SAMD3: variants seen among roughly 807,000 people sequenced by gnomAD.
SAMD3 encodes sterile alpha motif domain-containing protein 3.
In SAMD3, 63 loss-of-function variants were observed where a neutral mutation model predicts 58.5. The observed-to-expected ratio is 1.08, with a 90% CI of 0.88 to 1.33. SAMD3 has a LOEUF of 1.33. Ranked by LOEUF, SAMD3 falls within the 40% of genes most tolerant of loss-of-function variation. The pLI, the probability that SAMD3 is intolerant of heterozygous loss-of-function variation, is 0.00. For missense variants in SAMD3, 604 were observed against 608.4 expected, an observed-to-expected ratio of 0.99 and a Z score of 0.08; for synonymous variants, 220 against 210.3, an observed-to-expected ratio of 1.05 and a Z score of -0.40.
intron 1 of SAMD3, among the ~76,000 whole-genome samples, chr6:130,314,208 C>G (rs1005473881): frequency 7.2e-5 from 11 of 152,120 alleles, no homozygotes; most frequent in African/African-American, 2.4e-4. Context: ...AAAAAACACT[C>G]TTTTCATGTT....
At chr6:130,232,091 C>T (rs970043855) in intron 2 of SAMD3, among the ~76,000 whole-genome samples, 5 of 152,056 alleles carry the variant, frequency 3.3e-5, no homozygotes, top group Admixed American at 6.5e-5. Context: ...GTTCCTGGAT[C>T]GATAGTGACC....
In SAMD3 at chr6:130,214,379, G is replaced by C; in HGVS notation, c.227C>G (p.Pro76Arg). The C allele has an allele frequency of 6.2e-7, 1 of 1,608,676 alleles. No homozygotes were observed. Among genetic ancestry groups the C allele is most frequent in the Non-Finnish European group, 8.5e-7 (1 of 1,177,548 alleles). ...NTQGLKSPENPKKAALVMQTE... is the reference protein window; with the variant it reads ...NTQGLKSPENRKKAALVMQTE... ...TTGCATGACCAGGGCTGCCTTTTTG[G>C]GGTTTTCTGGGGACTTCAGTCCTTG... Residue 76 changes from proline to arginine, a missense_variant, in exon 4 of 12, where the codon CCC becomes CGC. Coordinates refer to ENST00000439090, the MANE Select transcript of SAMD3 (RefSeq NM_001017373.4).
chr6:130,275,832 G>A (rs899657033), intron 2 of SAMD3, among the ~76,000 whole-genome samples: 2 of 151,718 alleles, frequency 1.3e-5, no homozygotes, highest in African/African-American at 2.4e-5. Flanking sequence ...ATTTTAAAAC[G>A]TTTTCTCCCC....
chr6:130,206,166 TG>T (rs1447850219), intron 5 of SAMD3, among the ~76,000 whole-genome samples: 1 of 152,298 alleles, frequency 6.6e-6, no homozygotes, highest in Admixed American at 6.5e-5. Context: ...CACAAGTGAT[TG>T]CCCAGGAGGG....
At chr6:130,300,391 G>A (rs950476844) in intron 2 of SAMD3, among the ~76,000 whole-genome samples, 1 of 146,186 alleles carries the variant, frequency 6.8e-6, no homozygotes, top group African/African-American at 2.5e-5. Context: ...AAAAGCATTT[G>A]ATAAAAAAAT....
At chr6:130,245,706 A>G (rs1284235863) in intron 2 of SAMD3, among the ~76,000 whole-genome samples, 1 of 152,208 alleles carries the variant, frequency 6.6e-6, no homozygotes, top group African/African-American at 2.4e-5. Context: ...GAGTGTAATG[A>G]AACTCTTGAA....
intron 2 of SAMD3, among the ~76,000 whole-genome samples, chr6:130,287,099 G>C (rs1775183404): frequency 6.6e-6 from 1 of 152,036 alleles, no homozygotes; most frequent in Admixed American, 6.6e-5. Flanking sequence ...CTATCGTTTT[G>C]CTTGGCTCCA....
intron 1 of SAMD3, among the ~76,000 whole-genome samples, chr6:130,330,024 T>C (rs1487582546): frequency 1.3e-5 from 2 of 152,150 alleles, no homozygotes; most frequent in Admixed American, 1.3e-4. Context: ...ATGGCACATG[T>C]ATACCTATGT....
At chr6:130,226,837 A>AG (rs1386589343), upstream of SAMD3, among the ~76,000 whole-genome samples, 5 of 152,242 alleles carry the variant, frequency 3.3e-5, no homozygotes, top group Non-Finnish European at 7.3e-5. Flanking sequence ...TCAAAAAAAA[A>AG]AATTATTTAC....
intron 1 of SAMD3, among the ~76,000 whole-genome samples, chr6:130,359,111 C>T (rs1777914471): frequency 6.6e-6 from 1 of 152,148 alleles, no homozygotes; most frequent in African/African-American, 2.4e-5. Flanking sequence ...TTAGTGCTTG[C>T]TCTAAAAGAC....
chr6:130,213,305 A>G (rs1166630119), intron 4 of SAMD3, among the ~76,000 whole-genome samples: 1 of 151,656 alleles, frequency 6.6e-6, no homozygotes, highest in Non-Finnish European at 1.5e-5. Flanking sequence ...TCTAAAAAAA[A>G]CAAAAAGCTT....
Position 130,337,129 on chromosome 6 carries a change from C to A in SAMD3, c.-303-24036G>T, listed in dbSNP as rs571238168. Among the ~76,000 whole-genome samples, 4 of 152,264 alleles carry A rather than the reference C, an allele frequency of 2.6e-5. No homozygotes were observed. The East Asian group carries it at 7.7e-4, about 29-fold the overall frequency. Reference sequence around the variant, plus strand: ...AAATCTCATCTCAAATTATAATCCCCATAATCCTCATGTGTTGAGGGAGGG... The same window carrying A: ...AAATCTCATCTCAAATTATAATCCCAATAATCCTCATGTGTTGAGGGAGGG... On this transcript the variant is annotated intron_variant, in intron 1 of 13. Transcript: ENST00000368134.
At chr6:130,338,877 G>A (rs745849628) in intron 1 of SAMD3, among the ~76,000 whole-genome samples, 21 of 152,288 alleles carry the variant, frequency 1.4e-4, no homozygotes, top group Non-Finnish European at 2.6e-4. Flanking sequence ...TCTCAGATGA[G>A]ACTTTGGACT....
At chr6:130,162,099 T>C (rs1228320604) in intron 8 of SAMD3, 1 of 540,504 alleles carries the variant, frequency 1.9e-6, no homozygotes, top group Non-Finnish European at 3.3e-6. Context: ...GAACATTAAC[T>C]TGAGTTAAAG....
chr6:130,206,283 G>A (rs1020230008), intron 5 of SAMD3, among the ~76,000 whole-genome samples: 1 of 152,160 alleles, frequency 6.6e-6, no homozygotes, highest in Non-Finnish European at 1.5e-5. Flanking sequence ...TTTGGAGTTG[G>A]TACTAGGGCA....
intron 2 of SAMD3, among the ~76,000 whole-genome samples, chr6:130,311,356 T>C (rs1776152069): frequency 6.6e-6 from 1 of 152,200 alleles, no homozygotes; most frequent in Non-Finnish European, 1.5e-5. Context: ...ATTGCCCTCC[T>C]GAAGGCACAG....
chr6:130,167,456 A>G (rs551189598), intron 8 of SAMD3, among the ~76,000 whole-genome samples: 2 of 152,290 alleles, frequency 1.3e-5, no homozygotes, highest in Admixed American at 1.3e-4. Flanking sequence ...GGATTATGAC[A>G]AAAAAATACT....
At chr6:130,265,653 C>A (rs1774318162) in intron 2 of SAMD3, among the ~76,000 whole-genome samples, 1 of 152,026 alleles carries the variant, frequency 6.6e-6, no homozygotes, top group African/African-American at 2.4e-5. Flanking sequence ...AAATGACCAA[C>A]CTAATGTGTG....
At chr6:130,295,142 C>T (rs938270796) in intron 2 of SAMD3, among the ~76,000 whole-genome samples, 4 of 152,116 alleles carry the variant, frequency 2.6e-5, no homozygotes, top group Non-Finnish European at 5.9e-5. Context: ...AGGCTGGTCT[C>T]GAACTCCCGA....
Sources: allele counts gnomAD v4.1 joint callset (sites outside exome capture counted in the v4.1 genomes callset), GRCh38; gene constraint gnomAD v4.1.1; transcripts MANE v1.5; gene names NCBI Gene and HGNC (gene_info 2026-07-23, HGNC 2026-07-21).